The following CSNK1G1 variants were observed in gnomAD, a reference collection of about 807,000 sequenced individuals.
CSNK1G1 encodes casein kinase 1 gamma 1, also known as casein kinase I isoform gamma-1.
Under a neutral mutation model 59.6 loss-of-function variants are expected in CSNK1G1, and 22 were observed. The observed-to-expected ratio is 0.37, with a 90% CI of 0.26 to 0.53. The LOEUF (loss-of-function observed/expected upper bound fraction) is 0.53, where lower values mean the gene tolerates loss of function less well. Ranked by LOEUF, CSNK1G1 falls within the 20% of genes least tolerant of loss-of-function variation. The pLI is 0.89. For missense variants in CSNK1G1, 384 were observed against 519.5 expected, an observed-to-expected ratio of 0.74 and a Z score of 2.54; for synonymous variants, 179 against 177.1, an observed-to-expected ratio of 1.01 and a Z score of -0.08.
At chr15:64,180,542 G>A in intron 10 of CSNK1G1, 88 bp from the exon 11 acceptor site, 5 of 1,016,912 alleles carry the variant, frequency 4.9e-6, no homozygotes, top group South Asian at 1.3e-5. Flanking sequence ...AACAGGCAGT[G>A]TCTGGAATGT....
chr15:64,240,799 T>C (rs1232631650), intron 4 of CSNK1G1, among the ~76,000 whole-genome samples: 2 of 152,116 alleles, frequency 1.3e-5, no homozygotes, highest in Non-Finnish European at 1.5e-5. Flanking sequence ...ATCCTGCATC[T>C]GGAGGTCAAA....
intron 1 of CSNK1G1, among the ~76,000 whole-genome samples, chr15:64,351,466 CCA>C (rs1402482489): frequency 6.6e-6 from 1 of 152,218 alleles, no homozygotes; most frequent in Non-Finnish European, 1.5e-5. Flanking sequence ...CTTGGAACGG[CCA>C]CAGACTTTGA....
intron 6 of CSNK1G1, among the ~76,000 whole-genome samples, chr15:64,209,976 A>C (rs929334252): frequency 6.6e-6 from 1 of 152,212 alleles, no homozygotes; most frequent in African/African-American, 2.4e-5. Context: ...ATTTCACAGC[A>C]AAATAAATTA....
chr15:64,172,016 CG>C (rs1171109296), intron 11 of CSNK1G1, 31 bp from the exon 12 acceptor site: 9 of 1,603,182 alleles, frequency 5.6e-6, no homozygotes, highest in Non-Finnish European at 7.7e-6. Flanking sequence ...CAAGTCAGTG[CG>C]GGAGGCCTGC....
At chr15:64,191,307 G>A (rs1209443629) in intron 10 of CSNK1G1, among the ~76,000 whole-genome samples, 4 of 152,080 alleles carry the variant, frequency 2.6e-5, no homozygotes, top group Admixed American at 6.6e-5. Flanking sequence ...TGATCTGCCC[G>A]CCTCGGCCTC....
At chr15:64,201,706 ATGTGTGTGTGTGTGTGTGTGTGTGTG>A (rs10664838) in intron 10 of CSNK1G1, among the ~76,000 whole-genome samples, 1 of 126,474 alleles carries the variant, frequency 7.9e-6, no homozygotes, top group African/African-American at 3.3e-5. Context: ...TCCATTGGAC[ATGTGTGTGTGTGTGTGTGTGTGTGTG>A]TGTGTGTGTG....
chr15:64,193,448 C>T (rs986804175), intron 10 of CSNK1G1, among the ~76,000 whole-genome samples: 12 of 149,542 alleles, frequency 8.0e-5, no homozygotes, highest in African/African-American at 2.0e-4. Flanking sequence ...GCCGAGATCG[C>T]GCCACTGCAC....
At chr15:64,243,713 A>C (rs1405550538) in intron 4 of CSNK1G1, among the ~76,000 whole-genome samples, 1 of 152,178 alleles carries the variant, frequency 6.6e-6, no homozygotes, top group Non-Finnish European at 1.5e-5. Flanking sequence ...GCAAGATACA[A>C]AAGCAACATG....
At chr15:64,332,116 C>T (rs1330147614) in intron 1 of CSNK1G1, among the ~76,000 whole-genome samples, 9 of 133,554 alleles carry the variant, frequency 6.7e-5, no homozygotes, top group African/African-American at 1.7e-4. Context: ...GTCAGTGTGG[C>T]GATTCCTCAG....
At chr15:64,197,025 T>C (rs1387252464) in intron 10 of CSNK1G1, among the ~76,000 whole-genome samples, 1 of 152,368 alleles carries the variant, frequency 6.6e-6, no homozygotes, top group East Asian at 1.9e-4. Context: ...CAAACAAGTA[T>C]GCATCAAGTG....
intron 10 of CSNK1G1, among the ~76,000 whole-genome samples, chr15:64,185,816 C>T (rs1048186024): frequency 6.8e-6 from 1 of 148,084 alleles, no homozygotes; most frequent in Non-Finnish European, 1.5e-5. Context: ...AAGCCAAGAT[C>T]GCGCTACTGC....
chr15:64,286,674 A>G (rs184382332), intron 2 of CSNK1G1, among the ~76,000 whole-genome samples: 4 of 152,262 alleles, frequency 2.6e-5, no homozygotes, highest in Admixed American at 2.6e-4. Context: ...AAAAAACCAG[A>G]TGCTCAATAC....
chr15:64,220,742 T>A (rs1205978699), intron 4 of CSNK1G1, among the ~76,000 whole-genome samples: 1 of 151,846 alleles, frequency 6.6e-6, no homozygotes, highest in Non-Finnish European at 1.5e-5. Flanking sequence ...TTGGTAGAGA[T>A]GAGATTTCAC....
chr15:64,327,711 C>A (rs1171819697), intron 1 of CSNK1G1, among the ~76,000 whole-genome samples: 1 of 151,194 alleles, frequency 6.6e-6, no homozygotes, highest in Non-Finnish European at 1.5e-5. Context: ...AGGCTTCAGA[C>A]GATCAAATTA....
At chr15:64,184,072 G>A (rs2081856656) in intron 10 of CSNK1G1, among the ~76,000 whole-genome samples, 1 of 152,108 alleles carries the variant, frequency 6.6e-6, no homozygotes, top group Non-Finnish European at 1.5e-5. Context: ...GGGAGGCCGA[G>A]GTGGGCGGAT....
chr15:64,289,017 A>G (rs1688779686), intron 2 of CSNK1G1, among the ~76,000 whole-genome samples: 1 of 151,888 alleles, frequency 6.6e-6, no homozygotes, highest in South Asian at 2.1e-4. Flanking sequence ...TCCACTAAAA[A>G]TACAAAAATT....
At chr15:64,303,544 G>A (rs951327392) in intron 1 of CSNK1G1, among the ~76,000 whole-genome samples, 1 of 151,878 alleles carries the variant, frequency 6.6e-6, no homozygotes, top group Non-Finnish European at 1.5e-5. Flanking sequence ...CTGAGGTCAG[G>A]AGTTCAAGAC....
At chr15:64,313,046 CAAT>C (rs1394512868) in intron 1 of CSNK1G1, among the ~76,000 whole-genome samples, 1 of 152,176 alleles carries the variant, frequency 6.6e-6, no homozygotes, top group Non-Finnish European at 1.5e-5. Flanking sequence ...ATCAAAACCA[CAAT>C]GAGATACCAT....
chr15:64,314,563 A>AT (rs11439184), intron 1 of CSNK1G1, among the ~76,000 whole-genome samples: 113,304 of 142,646 alleles, frequency 0.79, 45,827 homozygotes, highest in Middle Eastern at 0.87. Flanking sequence ...GTACCACAGA[A>AT]TTAAAAAAAA....
Sources: allele counts gnomAD v4.1 joint callset (sites outside exome capture counted in the v4.1 genomes callset), GRCh38; gene constraint gnomAD v4.1.1; transcripts MANE v1.5; gene names NCBI Gene and HGNC (gene_info 2026-07-23, HGNC 2026-07-21).